FRAS1: variants seen among roughly 807,000 people sequenced by gnomAD.
FRAS1 encodes Fraser extracellular matrix complex subunit 1.
In FRAS1, 290 loss-of-function variants were observed where a neutral mutation model predicts 435.2. That is an observed-to-expected ratio of 0.67 (90% CI 0.61 to 0.73). The LOEUF is 0.73. Ranked by LOEUF, FRAS1 falls within the 30% of genes least tolerant of loss-of-function variation. FRAS1 has a pLI of 0.00. For missense variants in FRAS1, 4,860 were observed against 5,001.5 expected, an observed-to-expected ratio of 0.97 and a Z score of 0.85; for synonymous variants, 1,800 against 1,851.0, an observed-to-expected ratio of 0.97 and a Z score of 0.71.
At chr4:78,325,565 G>A (rs1729686372) in intron 18 of FRAS1, among the ~76,000 whole-genome samples, 4 of 152,290 alleles carry the variant, frequency 2.6e-5, no homozygotes, top group East Asian at 1.9e-4. Context: ...GTACAAATAG[G>A]TGCCTTCTGG....
At chr4:78,112,393 G>T (rs1053354219) in intron 2 of FRAS1, among the ~76,000 whole-genome samples, 6 of 152,058 alleles carry the variant, frequency 3.9e-5, no homozygotes, top group African/African-American at 1.4e-4. Flanking sequence ...TCATGAGTCT[G>T]TGATTTATTT....
rs1029689327 is a variant in FRAS1, at chr4:78,181,506, G to A, written c.109-56004G>A. ...CCACGAGAATCAAATCCATCTCCTC[G>A]GCCCATTCCACGTCCACGGCCCCCT... On this transcript the variant is annotated intron_variant, in intron 2 of 73. Transcript: ENST00000512123. 2.5e-6 allele frequency: 4 copies of A among 1,611,388 alleles called. No homozygotes were observed. The African/African-American group carries it at 4.0e-5, about 16-fold the overall frequency.
chr4:78,076,781 A>C (rs2109868319), intron 2 of FRAS1, among the ~76,000 whole-genome samples: 1 of 152,320 alleles, frequency 6.6e-6, no homozygotes, highest in East Asian at 1.9e-4. Flanking sequence ...ACTCAAGTGC[A>C]TAGGAAAAAG....
chr4:78,340,547 A>T (rs1467341793), intron 20 of FRAS1, among the ~76,000 whole-genome samples: 1 of 152,216 alleles, frequency 6.6e-6, no homozygotes, highest in Non-Finnish European at 1.5e-5. Flanking sequence ...CAGGCATTGT[A>T]CTGGGCTCTG....
intron 20 of FRAS1, among the ~76,000 whole-genome samples, chr4:78,338,927 C>T (rs1730292335): frequency 6.6e-6 from 1 of 152,164 alleles, no homozygotes; most frequent in South Asian, 2.1e-4. Context: ...GGTCTATATC[C>T]TAAGAAAACC....
intron 2 of FRAS1, among the ~76,000 whole-genome samples, chr4:78,095,695 C>T (rs572486239): frequency 5.9e-5 from 9 of 152,314 alleles, no homozygotes; most frequent in Non-Finnish European, 8.8e-5. Context: ...GGGAAACTCC[C>T]GTTTATAAAA....
chr4:78,455,427 G>A (rs7668537), intron 47 of FRAS1, among the ~76,000 whole-genome samples: 46,362 of 151,424 alleles, frequency 0.31, 8,311 homozygotes, highest in Admixed American at 0.4. Context: ...AGGAGGGAGG[G>A]GGTTCTGTTA....
intron 50 of FRAS1, among the ~76,000 whole-genome samples, chr4:78,467,934 C>G (rs528217720): frequency 4.3e-4 from 65 of 152,078 alleles, no homozygotes; most frequent in Admixed American, 2.2e-3. Context: ...AGATTTTTTC[C>G]TGTAGAGTTG....
intron 12 of FRAS1, among the ~76,000 whole-genome samples, 176 bp from the exon 13 acceptor site, chr4:78,284,229 A>ATTTTTTTTTTTTTTT (rs11453256): frequency 5.1e-4 from 41 of 80,786 alleles, no homozygotes; most frequent in Non-Finnish European, 6.1e-4. Flanking sequence ...ATTGGAATGT[A>ATTTTTTTTTTTTTTT]TTTTTTTTTT....
rs181375876 is a variant in FRAS1 at position 78,356,544 on chromosome 4, A to G, written c.2423-6969A>G. 5.9e-5 allele frequency among the ~76,000 whole-genome samples: 9 copies of G among 152,276 alleles called. No homozygotes were observed. In the East Asian group the frequency reaches 9.6e-4, roughly 16 times the overall value. On this transcript the variant is annotated intron_variant, in intron 20 of 73. Coordinates refer to ENST00000512123, the MANE Select transcript of FRAS1 (RefSeq NM_025074.7). ...TCCATTCCTGGTCACAATAGTTTTCATGTATTTGCATCATAATATTCTTAA... is the reference window on the plus strand; with the variant it reads ...TCCATTCCTGGTCACAATAGTTTTCGTGTATTTGCATCATAATATTCTTAA...
At chr4:78,091,345 G>T (rs552103142) in intron 2 of FRAS1, among the ~76,000 whole-genome samples, 1 of 151,750 alleles carries the variant, frequency 6.6e-6, no homozygotes, top group Non-Finnish European at 1.5e-5. Context: ...CTCCTGTCCC[G>T]TGCCCCTCAA....
In FRAS1 at chr4:78,438,603, C is replaced by T; in HGVS notation, c.5251C>T (p.Gln1751Ter). The T allele has an allele frequency of 6.2e-7, 1 of 1,613,864 alleles. No individual in the cohort carries two copies. ...TTCCCCCGACCCAGAGATCTGGATT[C>T]AGTTAAATTATCTGCCCTCATATGG... ...DSSPDPEIWI[Q>*]LNYLPSYGTL... Residue 1751 changes from glutamine (Q) to a stop codon, truncating the protein, a stop_gained, in exon 39 of 74, where the codon CAG (glutamine) becomes TAG (stop). Coordinates refer to ENST00000512123, the MANE Select transcript of FRAS1 (RefSeq NM_025074.7). LOFTEE classifies it high-confidence loss of function.
intron 59 of FRAS1, among the ~76,000 whole-genome samples, chr4:78,490,394 A>G (rs866292682): frequency 6.6e-6 from 1 of 152,212 alleles, no homozygotes; most frequent in East Asian, 1.9e-4. Flanking sequence ...AAAGTTGACC[A>G]CATATTTGGA....
At chr4:78,357,571 G>C (rs1399292003) in intron 20 of FRAS1, among the ~76,000 whole-genome samples, 2 of 152,070 alleles carry the variant, frequency 1.3e-5, no homozygotes, top group African/African-American at 2.4e-5. Context: ...GGTTGTGTTG[G>C]TGGGGGGCCT....
At chr4:78,251,888 TC>T (rs1314478050) in intron 4 of FRAS1, among the ~76,000 whole-genome samples, 1 of 151,832 alleles carries the variant, frequency 6.6e-6, no homozygotes, top group Non-Finnish European at 1.5e-5. Flanking sequence ...TATCACACTT[TC>T]TTCAGGGCCA....
At chr4:78,388,415 GTTCAGCCA>G (rs888863558) in intron 29 of FRAS1, among the ~76,000 whole-genome samples, 3 of 151,804 alleles carry the variant, frequency 2.0e-5, no homozygotes, top group Non-Finnish European at 2.9e-5. Context: ...AAAACGTTGA[GTTCAGCCA>G]TTCTGTTAGC....
chr4:78,140,283 C>T (rs550251178), intron 2 of FRAS1, among the ~76,000 whole-genome samples: 11 of 152,232 alleles, frequency 7.2e-5, no homozygotes, highest in African/African-American at 2.6e-4. Flanking sequence ...TATTTAGTCA[C>T]ATTCAAATTT....
intron 14 of FRAS1, among the ~76,000 whole-genome samples, chr4:78,306,791 T>C (rs1253692601): frequency 6.6e-6 from 1 of 152,174 alleles, no homozygotes; most frequent in Non-Finnish European, 1.5e-5. Flanking sequence ...AGTTTTCAAC[T>C]TCTTTGCGTT....
intron 44 of FRAS1, 54 bp downstream of exon 44, chr4:78,448,370 T>C (rs764215346): frequency 2.0e-6 from 3 of 1,479,582 alleles, no homozygotes; most frequent in Non-Finnish European, 2.7e-6. Flanking sequence ...TATTTCTTCT[T>C]TGTCCAGTAT....
Sources: gnomAD v4.1 joint callset for allele counts (sites outside exome capture counted in the v4.1 genomes callset) on GRCh38, gnomAD v4.1.1 for gene constraint, MANE v1.5 for transcripts, NCBI Gene and HGNC (gene_info 2026-07-23, HGNC 2026-07-21) for gene names.